Variants in SMC5 observed in about 807,000 individuals in gnomAD.
SMC5 encodes structural maintenance of chromosomes 5.
A neutral mutation model predicts 148.3 loss-of-function variants in SMC5; 88 were observed. The observed-to-expected ratio is 0.59, with a 90% CI of 0.50 to 0.71. SMC5 has a LOEUF of 0.71. Ranked by LOEUF, SMC5 falls within the 30% of genes least tolerant of loss-of-function variation. SMC5 has a pLI of 0.00. For synonymous variants in SMC5, 421 were observed against 432.8 expected (o/e 0.97, Z 0.34); for missense variants, 1,142 against 1,298.9 (o/e 0.88, Z 1.86).
intron 13 of SMC5, 127 bp from the exon 14 acceptor site, chr9:70,318,386 TA>T (rs377420600): frequency 0.097 from 57,098 of 587,212 alleles, no homozygotes; most frequent in South Asian, 0.12. Flanking sequence ...AGACCCTGTC[TA>T]AAAAAAAAAA....
chr9:70,259,064 G>T lies in SMC5; in HGVS notation c.-15G>T, dbSNP rs746429228. On this transcript the variant is annotated 5_prime_UTR_variant, in exon 1 of 25. Transcript: ENST00000361138. Reference sequence around the variant, plus strand: ...GTGGGAACGGAAGTCGCTGTGGGACGCTGAGGAAGCCAGGATGGCGACTCC... The same window carrying T: ...GTGGGAACGGAAGTCGCTGTGGGACTCTGAGGAAGCCAGGATGGCGACTCC... The T allele has an allele frequency of 3.8e-6, 6 of 1,595,420 alleles. No individual in the cohort carries two copies. Among genetic ancestry groups the T allele is most frequent in the African/African-American group, 2.7e-5 (2 of 74,438 alleles).
intron 10 of SMC5, among the ~76,000 whole-genome samples, chr9:70,302,555 C>G (rs1447010168): frequency 6.6e-6 from 1 of 151,700 alleles, no homozygotes; most frequent in Non-Finnish European, 1.5e-5. Flanking sequence ...CCTCTAGTCC[C>G]AGCTACTGGG....
intron 7 of SMC5, among the ~76,000 whole-genome samples, chr9:70,284,284 C>G (rs565981822): frequency 6.6e-6 from 1 of 152,264 alleles, no homozygotes; most frequent in East Asian, 1.9e-4. Context: ...TTGATTAGAT[C>G]TGATTCTGAA....
intron 10 of SMC5, among the ~76,000 whole-genome samples, chr9:70,302,906 G>A (rs2035397878): frequency 6.6e-6 from 1 of 152,080 alleles, no homozygotes; most frequent in Admixed American, 6.5e-5. Flanking sequence ...TGGGGGCCTT[G>A]GAATCTGACA....
intron 8 of SMC5, among the ~76,000 whole-genome samples, chr9:70,287,729 G>A (rs1035449915): frequency 1.3e-5 from 2 of 152,176 alleles, no homozygotes; most frequent in African/African-American, 4.8e-5. Context: ...TTAGGGTTGT[G>A]TATGTTGGGA....
chr9:70,273,693 C>T (rs2034511243), intron 3 of SMC5, among the ~76,000 whole-genome samples: 1 of 152,008 alleles, frequency 6.6e-6, no homozygotes, highest in Non-Finnish European at 1.5e-5. Context: ...TTTATGAGTT[C>T]ATAATTAGAA....
intron 8 of SMC5, among the ~76,000 whole-genome samples, chr9:70,289,708 A>T (rs1231854959): frequency 6.6e-6 from 1 of 151,776 alleles, no homozygotes; most frequent in African/African-American, 2.4e-5. Context: ...ATTTAGTCCT[A>T]TTCTAGTGAT....
chr9:70,300,632 A>G (rs745852058), intron 10 of SMC5, among the ~76,000 whole-genome samples: 3 of 152,158 alleles, frequency 2.0e-5, no homozygotes, highest in Non-Finnish European at 2.9e-5. Flanking sequence ...TAGGATTTTG[A>G]AAGTGAAACC....
At chr9:70,335,019 A>C (rs2036322473) in intron 17 of SMC5, among the ~76,000 whole-genome samples, 1 of 152,202 alleles carries the variant, frequency 6.6e-6, no homozygotes, top group Non-Finnish European at 1.5e-5. Flanking sequence ...AATTGCTGAG[A>C]ATTTGGAGCA....
chr9:70,317,194 G>A (rs1351525179), intron 13 of SMC5, among the ~76,000 whole-genome samples: 1 of 151,986 alleles, frequency 6.6e-6, no homozygotes, highest in Non-Finnish European at 1.5e-5. Context: ...AGACAATAAT[G>A]GCTAGATAAT....
intron 17 of SMC5, among the ~76,000 whole-genome samples, chr9:70,332,968 A>G (rs1246420683): frequency 6.6e-6 from 1 of 152,344 alleles, no homozygotes; most frequent in South Asian, 2.1e-4. Flanking sequence ...CCAACAGCTC[A>G]TATCAATCTT....
intron 3 of SMC5, among the ~76,000 whole-genome samples, chr9:70,269,391 G>C (rs2034383131): frequency 1.3e-5 from 2 of 152,034 alleles, no homozygotes; most frequent in Non-Finnish European, 2.9e-5. Flanking sequence ...AGACCAGCCT[G>C]AGCAACATGG....
chr9:70,272,135 T>C (rs1040380069), intron 3 of SMC5, among the ~76,000 whole-genome samples: 8 of 152,200 alleles, frequency 5.3e-5, no homozygotes, highest in Non-Finnish European at 1.0e-4. Context: ...TTATGAATTA[T>C]ATACAGAGTA....
Position 70,350,383 on chromosome 9 carries a change from A to G in SMC5, c.3077A>G (p.Asp1026Gly). Reference protein sequence around the residue: ...RVVDEINQGMDPINERRVFEM... With the variant: ...RVVDEINQGMGPINERRVFEM... ...ATTGTTGCCATTGTTTAGGGAATGG[A>G]CCCAATCAATGAACGGAGAGTGTTT... Residue 1026 changes from aspartate to glycine, a missense_variant, in exon 24 of 25, where the codon GAC becomes GGC. Coordinates refer to ENST00000361138, the MANE Select transcript of SMC5 (RefSeq NM_015110.4). 6.2e-7 allele frequency: 1 copy of G among 1,610,352 alleles called. No homozygotes were observed. Among genetic ancestry groups the G allele is most frequent in the Non-Finnish European group, 8.5e-7 (1 of 1,178,766 alleles).
chr9:70,324,379 C>T (rs2036024148), intron 17 of SMC5, among the ~76,000 whole-genome samples: 1 of 152,094 alleles, frequency 6.6e-6, no homozygotes, highest in African/African-American at 2.4e-5. Context: ...CACAGAAATA[C>T]TGGGTGGAGG....
chr9:70,299,700 T>G (rs2035307190), intron 9 of SMC5, among the ~76,000 whole-genome samples: 1 of 151,494 alleles, frequency 6.6e-6, no homozygotes, highest in South Asian at 2.1e-4. Context: ...AATTCTAGAA[T>G]GAAAATATTA....
intron 18 of SMC5, 61 bp from the exon 19 acceptor site, chr9:70,346,544 G>A: frequency 6.5e-7 from 1 of 1,545,722 alleles, no homozygotes; most frequent in East Asian, 2.2e-5. Context: ...GCAGTATAAA[G>A]TTCTAACTTC....
chr9:70,304,127 C>T (rs2035433781), intron 10 of SMC5, among the ~76,000 whole-genome samples: 1 of 152,166 alleles, frequency 6.6e-6, no homozygotes, highest in African/African-American at 2.4e-5. Context: ...TTCACTCTGT[C>T]ACCCAGGATG....
At chr9:70,276,608 T>C (rs1210785744) in intron 3 of SMC5, among the ~76,000 whole-genome samples, 3 of 152,222 alleles carry the variant, frequency 2.0e-5, no homozygotes, top group East Asian at 3.8e-4. Context: ...TAAGTTATTA[T>C]TGTCATTTAG....
Sources: allele counts gnomAD v4.1 joint callset (sites outside exome capture counted in the v4.1 genomes callset), GRCh38; gene constraint gnomAD v4.1.1; transcripts MANE v1.5; gene names NCBI Gene and HGNC (gene_info 2026-07-23, HGNC 2026-07-21).